Variants in GRB14 observed in about 807,000 individuals in gnomAD.
GRB14 encodes the protein growth factor receptor bound protein 14.
In GRB14, 38 loss-of-function variants were observed where a neutral mutation model predicts 69.1. The ratio of observed to expected loss-of-function variants is 0.55; its 90% CI spans 0.42 to 0.72. The LOEUF is 0.72. Ranked by LOEUF, GRB14 falls within the 30% of genes least tolerant of loss-of-function variation. The pLI, the probability that GRB14 is intolerant of heterozygous loss-of-function variation, is 0.00. For missense variants in GRB14, 666 were observed against 666.1 expected (o/e 1.00, Z 0.00); for synonymous variants, 247 against 241.3 (o/e 1.02, Z -0.22).
intron 2 of GRB14, among the ~76,000 whole-genome samples, chr2:164,606,698 G>A (rs1690049080): frequency 6.6e-6 from 1 of 152,114 alleles, no homozygotes; most frequent in Admixed American, 6.5e-5. Flanking sequence ...GACCTACAGA[G>A]TGTTCCAGCT....
rs55985754 is a variant in GRB14 at position 164,614,399 on chromosome 2, T to C, written c.324+5288A>G. The stretch of plus-strand genomic sequence containing the variant: ...TTCCAAAGAGCTAATTTTCAGACAT[T>C]TGAAAGCTAAGCAGTTTGTAATTTG... On this transcript the variant is annotated intron_variant, in intron 2 of 13. Transcript: ENST00000263915. Among the ~76,000 whole-genome samples, 305 of 152,352 alleles carry C rather than the reference T, an allele frequency of 2.0e-3. 1 individual carries two copies. Among genetic ancestry groups the C allele is most frequent in the African/African-American group, 7.1e-3 (295 of 41,586 alleles).
At chr2:164,542,831 G>T (rs151037401) in intron 3 of GRB14, among the ~76,000 whole-genome samples, 1 of 152,276 alleles carries the variant, frequency 6.6e-6, no homozygotes. Context: ...AAGTAGTTTG[G>T]AGATTTCTCA....
Position 164,508,806 on chromosome 2 carries a change from ATATCAC to A in GRB14, c.857_862del (p.Ser286_Asp287del). ...TTTTTTGCCTGCCAGTGACACATAA[ATATCAC>A]TATTGCCAAATTCGCTGAAAAACTG... On this transcript the variant is annotated inframe_deletion, in exon 7 of 14. Transcript: ENST00000263915. The A allele has an allele frequency of 6.3e-7, 1 of 1,591,764 alleles. No individual in the cohort carries two copies. The highest frequency in any genetic ancestry group is 8.5e-7 in the Non-Finnish European group (1 of 1,173,176).
intron 2 of GRB14, among the ~76,000 whole-genome samples, chr2:164,613,126 A>G (rs1420253954): frequency 1.3e-5 from 2 of 152,196 alleles, no homozygotes; most frequent in East Asian, 3.9e-4. Context: ...CAACTGCCCA[A>G]TAAGTATGCT....
At chr2:164,584,147 ATTTTTTTTTTTTT>A (rs55883951) in intron 2 of GRB14, among the ~76,000 whole-genome samples, 51 of 49,898 alleles carry the variant, frequency 1.0e-3, no homozygotes, top group South Asian at 4.0e-3. Context: ...CAGCCTGGCT[ATTTTTTTTTTTTT>A]TTTTTTTTTT....
At chr2:164,517,625 A>G (rs1687526620) in intron 6 of GRB14, among the ~76,000 whole-genome samples, 1 of 152,176 alleles carries the variant, frequency 6.6e-6, no homozygotes, top group Admixed American at 6.6e-5. Flanking sequence ...AGAGACTCAC[A>G]TAACACATAG....
chr2:164,570,275 TAAAAAAA>T (rs35918859), intron 2 of GRB14, among the ~76,000 whole-genome samples: 1 of 57,208 alleles, frequency 1.7e-5, no homozygotes, highest in African/African-American at 6.7e-5. Context: ...AGACTCCATC[TAAAAAAA>T]AAAAAAAAAA....
At chr2:164,527,220 T>TAC (rs1553509573) in intron 3 of GRB14, 85 bp from the exon 4 acceptor site, 120 of 173,944 alleles carry the variant, frequency 6.9e-4, no homozygotes, top group Middle Eastern at 2.5e-3. Context: ...TATATATATA[T>TAC]ACACACACAG....
At chr2:164,582,068 CT>C (rs879498119) in intron 2 of GRB14, among the ~76,000 whole-genome samples, 3 of 152,200 alleles carry the variant, frequency 2.0e-5, no homozygotes, top group Non-Finnish European at 4.4e-5. Flanking sequence ...AAATTTTTAT[CT>C]TCTGCCCAGA....
At chr2:164,494,982 C>T (rs775518903) in intron 12 of GRB14, among the ~76,000 whole-genome samples, 2 of 151,904 alleles carry the variant, frequency 1.3e-5, no homozygotes, top group Non-Finnish European at 1.5e-5. Context: ...AACAGGGTCT[C>T]GCTCTGTCAC....
At chr2:164,541,758 A>G (rs1413837845) in intron 3 of GRB14, among the ~76,000 whole-genome samples, 1 of 152,072 alleles carries the variant, frequency 6.6e-6, no homozygotes, top group African/African-American at 2.4e-5. Context: ...AGTTTTTAAC[A>G]TGGGTATACT....
intron 1 of GRB14, among the ~76,000 whole-genome samples, chr2:164,620,861 G>A (rs185861618): frequency 6.6e-6 from 1 of 152,204 alleles, no homozygotes; most frequent in Non-Finnish European, 1.5e-5. Flanking sequence ...TGCAGCCTGA[G>A]CTCCTAGTTT....
chr2:164,575,941 C>T (rs1203202529), intron 2 of GRB14, among the ~76,000 whole-genome samples: 1 of 152,012 alleles, frequency 6.6e-6, no homozygotes, highest in Admixed American at 6.5e-5. Flanking sequence ...GCTAAACTCA[C>T]CTATTGAAAG....
rs1689341080 is a variant in GRB14 at position 164,579,508 on chromosome 2, C to T, written c.325-31692G>A. On this transcript the variant is annotated intron_variant, in intron 2 of 13. Coordinates refer to ENST00000263915, the MANE Select transcript of GRB14 (RefSeq NM_004490.3). ...TTATTACAGGGCACACTTGCACACA[C>T]ACACACACACACACACACACACACA... Among the ~76,000 whole-genome samples, 4 of 36,738 alleles carry T rather than the reference C, an allele frequency of 1.1e-4. No individual in the cohort carries two copies. In the South Asian group the frequency reaches 2.0e-3, roughly 18 times the overall value. 24.1% of individuals were successfully genotyped at this position (36,738 alleles called of 152,430 possible).
rs1320635403 is a variant in GRB14 at position 164,619,803 on chromosome 2, G to C, written c.208C>G (p.Leu70Val). 2 of 1,609,124 alleles carry C rather than the reference G, an allele frequency of 1.2e-6. No homozygotes were observed. Among genetic ancestry groups the C allele is most frequent in the African/African-American group, 2.7e-5 (2 of 74,694 alleles). The part of the protein sequence containing the change: ...CAADRRKKKD[L>V]DVPEMPSIPN... ...ATAGATGGCATTTCCGGAACATCAA[G>C]ATCTTTCTTTTTTCTCCTACAGTAA... Residue 70 changes from leucine (L) to valine (V), a missense_variant, in exon 2 of 14, where the codon CTT becomes GTT. Transcript: ENST00000263915.
At chr2:164,496,006 T>A (rs1686883915) in intron 12 of GRB14, among the ~76,000 whole-genome samples, 1 of 152,260 alleles carries the variant, frequency 6.6e-6, no homozygotes, top group African/African-American at 2.4e-5. Flanking sequence ...TTTCATCAGA[T>A]TGTAATTCTA....
chr2:164,593,440 A>T (rs996051756), intron 2 of GRB14, among the ~76,000 whole-genome samples: 10 of 152,216 alleles, frequency 6.6e-5, no homozygotes, highest in Non-Finnish European at 1.2e-4. Context: ...AGACAATTTT[A>T]AAATGCCTTG....
chr2:164,619,000 C>T (rs1690376240), intron 2 of GRB14, among the ~76,000 whole-genome samples: 1 of 152,058 alleles, frequency 6.6e-6, no homozygotes, highest in Non-Finnish European at 1.5e-5. Flanking sequence ...CTATTTTTTT[C>T]CCCTCCAAAT....
At chr2:164,523,855 C>T (rs944552683) in intron 5 of GRB14, among the ~76,000 whole-genome samples, 2 of 152,056 alleles carry the variant, frequency 1.3e-5, no homozygotes, top group Non-Finnish European at 2.9e-5. Context: ...AACTGTGCTA[C>T]AGGAAGACTT....
Sources: allele counts gnomAD v4.1 joint callset (sites outside exome capture counted in the v4.1 genomes callset), GRCh38; gene constraint gnomAD v4.1.1; transcripts MANE v1.5; gene names NCBI Gene and HGNC (gene_info 2026-07-23, HGNC 2026-07-21).